MTCL1: variants seen among roughly 807,000 people sequenced by gnomAD.
MTCL1 encodes microtubule crosslinking factor 1, also known as microtubule cross-linking factor 1.
Under a neutral mutation model 141.4 loss-of-function variants are expected in MTCL1, and 79 were observed. The observed-to-expected ratio is 0.56, with a 90% CI of 0.47 to 0.67. MTCL1 has a LOEUF of 0.67. Ranked by LOEUF, MTCL1 falls within the 30% of genes least tolerant of loss-of-function variation. The pLI, the probability that MTCL1 is intolerant of heterozygous loss-of-function variation, is 0.00. For missense variants in MTCL1, 2,177 were observed against 2,113.9 expected, an observed-to-expected ratio of 1.03 and a Z score of -0.59; for synonymous variants, 914 against 875.8, an observed-to-expected ratio of 1.04 and a Z score of -0.77.
exon 1 of MTCL1, chr18:8,706,604 C>G (rs947823345): frequency 6.5e-7 from 1 of 1,527,810 alleles, no homozygotes; most frequent in African/African-American, 1.4e-5. Context: ...GTCCCCGGGA[C>G]CCCCAAGGAG....
exon 6 of MTCL1, chr18:8,784,818 G>A: frequency 2.5e-6 from 4 of 1,604,204 alleles, no homozygotes; most frequent in Non-Finnish European, 3.4e-6. Context: ...GGGAACCTGG[G>A]GAAGGAGCTG....
intron 4 of MTCL1, among the ~76,000 whole-genome samples, chr18:8,755,097 A>G (rs1260912501): frequency 6.6e-6 from 1 of 152,210 alleles, no homozygotes; most frequent in Non-Finnish European, 1.5e-5. Flanking sequence ...GTTGCACCAA[A>G]TGCCCCCGTG....
At chr18:8,829,704 T>C in intron 16 of MTCL1, 3 of 985,356 alleles carry the variant, frequency 3.0e-6, no homozygotes, top group Non-Finnish European at 3.6e-6. Flanking sequence ...ATACAACAGA[T>C]GTATCCCCAT....
intron 4 of MTCL1, among the ~76,000 whole-genome samples, chr18:8,750,848 A>G (rs1369330340): frequency 6.6e-6 from 1 of 152,138 alleles, no homozygotes; most frequent in Admixed American, 6.5e-5. Flanking sequence ...AACTGAATTT[A>G]TTTCCGGGAG....
intron 4 of MTCL1, among the ~76,000 whole-genome samples, chr18:8,724,236 C>G (rs1370378574): frequency 6.6e-6 from 1 of 152,026 alleles, no homozygotes; most frequent in African/African-American, 2.4e-5. Context: ...ATGATGAAAT[C>G]CTGTTTCTAC....
intron 12 of MTCL1, among the ~76,000 whole-genome samples, chr18:8,815,315 C>T (rs1002623491): frequency 2.6e-5 from 4 of 151,796 alleles, no homozygotes; most frequent in Non-Finnish European, 4.4e-5. Flanking sequence ...AGTTCATGTC[C>T]TTTGTAGGGA....
At position 8,774,198 on chromosome 18, in the gene MTCL1, G is replaced by T. The variant is rs185867797; in HGVS notation, c.358-3635G>T. ...CAACTTCTGTTCTTGATGAGTTTTT[G>T]AATTACTTTGTCCATTCTTACCACA... On this transcript the variant is annotated intron_variant, in intron 4 of 16. Coordinates refer to ENST00000359865, the Ensembl canonical transcript of MTCL1. Among the ~76,000 whole-genome samples the T allele has an allele frequency of 1.1e-3, 172 of 152,014 alleles. 1 individual carries two copies. The highest frequency in any genetic ancestry group is 4.0e-3 in the African/African-American group (164 of 41,430).
At chr18:8,797,245 C>G (rs1034148648) in intron 9 of MTCL1, among the ~76,000 whole-genome samples, 1 of 152,190 alleles carries the variant, frequency 6.6e-6, no homozygotes, top group Non-Finnish European at 1.5e-5. Context: ...AGCTTTGTTC[C>G]TAGATGTGGA....
chr18:8,809,469 A>C (rs1204517044), intron 11 of MTCL1: 8 of 1,535,788 alleles, frequency 5.2e-6, no homozygotes, highest in Non-Finnish European at 7.0e-6. Flanking sequence ...ATATCCCAGA[A>C]TTAACATTGA....
chr18:8,829,402 A>C (rs556714433), intron 16 of MTCL1: 27 of 985,034 alleles, frequency 2.7e-5, no homozygotes, highest in Middle Eastern at 1.0e-3. Flanking sequence ...TAATGTGATA[A>C]GGCTTTTGTT....
intron 4 of MTCL1, among the ~76,000 whole-genome samples, chr18:8,771,947 T>G (rs1189156540): frequency 6.6e-6 from 1 of 152,226 alleles, no homozygotes; most frequent in Admixed American, 6.5e-5. Flanking sequence ...CTCCACTGGC[T>G]CTCTGAGGCA....
intron 4 of MTCL1, among the ~76,000 whole-genome samples, chr18:8,738,415 C>T (rs924908366): frequency 1.5e-4 from 23 of 152,038 alleles, no homozygotes; most frequent in Non-Finnish European, 3.2e-4. Context: ...TTTGTAGGTA[C>T]TTTTAATGTG....
At chr18:8,708,601 G>A (rs147996023) in intron 1 of MTCL1, among the ~76,000 whole-genome samples, 41 of 152,334 alleles carry the variant, frequency 2.7e-4, no homozygotes, top group African/African-American at 8.7e-4. Context: ...CCGGGATGCA[G>A]CCCTATTTCC....
intron 4 of MTCL1, among the ~76,000 whole-genome samples, chr18:8,759,088 T>C (rs1035955548): frequency 5.9e-5 from 9 of 152,246 alleles, no homozygotes; most frequent in African/African-American, 2.2e-4. Flanking sequence ...GCATTTGCGA[T>C]CACACTTTGA....
chr18:8,788,339 C>T (rs1235754313), intron 7 of MTCL1, among the ~76,000 whole-genome samples: 4 of 152,184 alleles, frequency 2.6e-5, no homozygotes, highest in African/African-American at 9.7e-5. Context: ...AGCTCTCTGC[C>T]CGTAGCTCCT....
intron 6 of MTCL1, 44 bp from the exon 6 acceptor site, chr18:8,785,892 T>A (rs748922181): frequency 3.9e-6 from 6 of 1,527,544 alleles, no homozygotes; most frequent in Non-Finnish European, 5.3e-6. Flanking sequence ...TTGTTTAAAA[T>A]TTTAAAGAAC....
In MTCL1 at chr18:8,749,436, G is replaced by A. The variant is rs186506999; in HGVS notation, c.358-28397G>A. Among the ~76,000 whole-genome samples the A allele has an allele frequency of 2.0e-5, 3 of 152,342 alleles. No individual in the cohort carries two copies. In the East Asian group the frequency reaches 5.8e-4, roughly 29 times the overall value. On this transcript the variant is annotated intron_variant, in intron 4 of 16. Coordinates refer to ENST00000359865, the Ensembl canonical transcript of MTCL1. ...TCTAGGGTCCTGGCTCAGGGTGTTC[G>A]ATGCACTCTGAAGGCAGAGGGTGCT...
In MTCL1 at chr18:8,830,216, CTGGTGGAGT is replaced by C; in HGVS notation, c.*18+1254_*18+1262del. On this transcript the variant is annotated intron_variant, in intron 16 of 16. Transcript: ENST00000359865. The surrounding 1 kb of genome is among the most constrained non-coding windows in gnomAD (Gnocchi z 6.4). ...GTCTGCATCTTGGTGGCTGGTGGCG[CTGGTGGAGT>C]TTTAACTGGAGAGGTATTTCTGGTT... 1.0e-6 allele frequency: 1 copy of C among 985,714 alleles called. No individual in the cohort carries two copies. Among genetic ancestry groups the C allele is most frequent in the Non-Finnish European group, 1.2e-6 (1 of 830,154 alleles). 61.1% of individuals were successfully genotyped at this position (985,714 alleles called of 1,614,324 possible).
rs554496025 is a variant in MTCL1, at chr18:8,825,164, A to G, written c.3654A>G (p.Arg1218=). The G allele has an allele frequency of 5.7e-6, 9 of 1,578,772 alleles. No individual in the cohort carries two copies. The African/African-American group carries it at 9.4e-5, about 17-fold the overall frequency. The change falls in exon 15 of 17, where the codon AGA becomes AGG. Residue 1218 remains arginine (R), a synonymous_variant. Coordinates refer to ENST00000359865, the Ensembl canonical transcript of MTCL1. The stretch of plus-strand genomic sequence containing the variant: ...GTGAGGGTCCCTTTCCCACAAGCAG[A>G]GCCAGAGGGAGCCCGGGAGACACCA...
Sources: allele counts gnomAD v4.1 joint callset (sites outside exome capture counted in the v4.1 genomes callset), GRCh38; gene constraint gnomAD v4.1.1; non-coding constraint Gnocchi (gnomAD v3.1); transcripts MANE v1.5; gene names NCBI Gene and HGNC (gene_info 2026-07-23, HGNC 2026-07-21).